Variants in NTRK2 observed in about 807,000 individuals in gnomAD.
The protein encoded by NTRK2 is neurotrophic receptor tyrosine kinase 2, also known as BDNF/NT-3 growth factors receptor.
NTRK2 carries 13 observed loss-of-function variants against 94.5 expected under a neutral mutation model. The observed-to-expected ratio is 0.14, with a 90% CI of 0.09 to 0.22. The LOEUF (loss-of-function observed/expected upper bound fraction) is 0.22. Among genes scored for constraint, NTRK2 ranks in the 10% least tolerant of loss-of-function variants. NTRK2 has a pLI of 1.00. For missense variants in NTRK2, 639 were observed against 1,071.2 expected, an observed-to-expected ratio of 0.60 and a Z score of 5.63; for synonymous variants, 372 against 407.4, an observed-to-expected ratio of 0.91 and a Z score of 1.05.
At chr9:84,978,158 T>G (rs1297755806) in intron 17 of NTRK2, among the ~76,000 whole-genome samples, 1 of 152,168 alleles carries the variant, frequency 6.6e-6, no homozygotes, top group African/African-American at 2.4e-5. Flanking sequence ...ATATCTCACT[T>G]TAAATCAAAA....
chr9:84,835,539 G>GAACAAC (rs963730260), intron 12 of NTRK2, among the ~76,000 whole-genome samples: 1 of 115,742 alleles, frequency 8.6e-6, no homozygotes, highest in African/African-American at 4.0e-5. Flanking sequence ...AGAACAACAA[G>GAACAAC]AACAACAACA....
chr9:84,762,658 C>T (rs923760146), intron 12 of NTRK2, among the ~76,000 whole-genome samples: 2 of 152,200 alleles, frequency 1.3e-5, no homozygotes, highest in Admixed American at 6.5e-5. Context: ...ACACCTATCT[C>T]AGGCACAACC....
intron 14 of NTRK2, among the ~76,000 whole-genome samples, chr9:84,878,948 C>T (rs137868950): frequency 2.6e-5 from 4 of 152,312 alleles, no homozygotes; most frequent in African/African-American, 9.6e-5. Flanking sequence ...CTCACTGCCT[C>T]GTCTTCCCTT....
At chr9:84,811,651 T>C in intron 12 of NTRK2, 1 of 1,065,440 alleles carries the variant, frequency 9.4e-7, no homozygotes, top group Non-Finnish European at 1.1e-6. Flanking sequence ...ACTGTCATAC[T>C]GCTGGGTTTT....
intron 12 of NTRK2, among the ~76,000 whole-genome samples, chr9:84,816,256 C>T (rs954363216): frequency 2.0e-5 from 3 of 152,116 alleles, no homozygotes; most frequent in Admixed American, 1.3e-4. Context: ...CTTCATGTCC[C>T]TTTTGTCTCT....
intron 15 of NTRK2, among the ~76,000 whole-genome samples, chr9:84,937,146 C>T (rs2078239981): frequency 1.3e-5 from 2 of 152,152 alleles, no homozygotes; most frequent in South Asian, 2.1e-4. Context: ...TATAGTTCAG[C>T]CCTGACCACA....
intron 14 of NTRK2, among the ~76,000 whole-genome samples, chr9:84,868,546 G>T (rs910011911): frequency 1.3e-5 from 2 of 152,174 alleles, no homozygotes; most frequent in Non-Finnish European, 2.9e-5. Flanking sequence ...ATCCACCAGA[G>T]ATTTTGGTTG....
At chr9:84,797,770 A>AT (rs2069710804) in intron 12 of NTRK2, among the ~76,000 whole-genome samples, 2 of 16,204 alleles carry the variant, frequency 1.2e-4, no homozygotes, top group African/African-American at 3.7e-4. Flanking sequence ...CTATAATAAT[A>AT]TATATAATAT....
intron 17 of NTRK2, among the ~76,000 whole-genome samples, chr9:85,008,855 G>A (rs547385155): frequency 3.1e-4 from 47 of 152,270 alleles, no homozygotes; most frequent in African/African-American, 8.4e-4. Context: ...TAACGCTATC[G>A]CCTGAATGTT....
chr9:85,006,536 T>TA lies in NTRK2; in HGVS notation c.2173-13670_2173-13669insA, dbSNP rs1441210671. On this transcript the variant is annotated intron_variant, in intron 17 of 18. Transcript: ENST00000277120. ...TGTTGGGGTGACAAGGAGGCTGCTG[T>TA]GGTTGGATGGCTTCATGCAGTGAAG... 4.0e-3 allele frequency among the ~76,000 whole-genome samples: 604 copies of TA among 152,030 alleles called. 40 individuals carry two copies. The highest frequency in any genetic ancestry group is 0.014 in the African/African-American group (573 of 41,316).
At chr9:84,860,380 G>A (rs1038389871) in intron 12 of NTRK2, among the ~76,000 whole-genome samples, 3 of 152,138 alleles carry the variant, frequency 2.0e-5, no homozygotes, top group African/African-American at 7.2e-5. Context: ...TGTGTTCTAA[G>A]AGGCACAGAA....
At chr9:84,706,527 G>GTTTTTTTTTTTTT (rs71369141) in intron 4 of NTRK2, among the ~76,000 whole-genome samples, 2 of 81,656 alleles carry the variant, frequency 2.4e-5, no homozygotes, top group Non-Finnish European at 4.3e-5. Context: ...TTTTGTTTTT[G>GTTTTTTTTTTTTT]TTTTTTTTTT....
chr9:84,923,463 T>C (rs1176702437), intron 14 of NTRK2, among the ~76,000 whole-genome samples: 3 of 152,164 alleles, frequency 2.0e-5, no homozygotes, highest in African/African-American at 7.2e-5. Flanking sequence ...AAAAATAAAA[T>C]GTTCATTCAT....
chr9:84,983,349 C>G (rs745673575), intron 17 of NTRK2, among the ~76,000 whole-genome samples: 1 of 152,176 alleles, frequency 6.6e-6, no homozygotes, highest in Non-Finnish European at 1.5e-5. Flanking sequence ...CAGAGCACCT[C>G]TTGTTCTTGG....
intron 12 of NTRK2, among the ~76,000 whole-genome samples, chr9:84,848,403 C>T (rs2074577714): frequency 6.6e-6 from 1 of 152,132 alleles, no homozygotes. Context: ...AATAAATGTA[C>T]CCAGGTAGCT....
intron 12 of NTRK2, among the ~76,000 whole-genome samples, chr9:84,801,199 GT>G (rs780185449): frequency 6.6e-6 from 1 of 152,168 alleles, no homozygotes; most frequent in Non-Finnish European, 1.5e-5. Flanking sequence ...GTTCAGAGAG[GT>G]CCCCTCACTT....
At chr9:84,874,149 C>A (rs965235404) in intron 14 of NTRK2, 39 of 1,064,804 alleles carry the variant, frequency 3.7e-5, no homozygotes, top group Non-Finnish European at 4.3e-5. Flanking sequence ...ATTTTGGTTT[C>A]GGATTGGCCA....
intron 15 of NTRK2, among the ~76,000 whole-genome samples, chr9:84,943,500 G>A (rs1297563780): frequency 1.3e-5 from 2 of 152,158 alleles, no homozygotes; most frequent in East Asian, 3.8e-4. Flanking sequence ...TCTCCCTTAA[G>A]AGTATCTTCA....
At chr9:84,686,186 G>T (rs1240908378) in intron 2 of NTRK2, among the ~76,000 whole-genome samples, 3 of 152,216 alleles carry the variant, frequency 2.0e-5, no homozygotes, top group Admixed American at 6.5e-5. Context: ...GAATTAAAGT[G>T]CACAGTGTTA....
Sources: gnomAD v4.1 joint callset for allele counts (sites outside exome capture counted in the v4.1 genomes callset) on GRCh38, gnomAD v4.1.1 for gene constraint, MANE v1.5 for transcripts, NCBI Gene and HGNC (gene_info 2026-07-23, HGNC 2026-07-21) for gene names.